FSIP1: variants seen among roughly 807,000 people sequenced by gnomAD.
FSIP1 encodes the protein fibrous sheath interacting protein 1.
In FSIP1, 65 loss-of-function variants were observed where a neutral mutation model predicts 60.9. That is an observed-to-expected ratio of 1.07 (90% confidence interval 0.87 to 1.31). The LOEUF (loss-of-function observed/expected upper bound fraction) is 1.31, where lower values mean the gene tolerates loss of function less well. Ranked by LOEUF, FSIP1 falls within the 40% of genes most tolerant of loss-of-function variation. The pLI, the probability that FSIP1 is intolerant of heterozygous loss-of-function variation, is 0.00. For missense variants in FSIP1, 675 were observed against 665.5 expected (o/e 1.01, Z -0.16); for synonymous variants, 209 against 221.2 (o/e 0.94, Z 0.49).
intron 10 of FSIP1, among the ~76,000 whole-genome samples, chr15:39,684,247 G>C (rs956166646): frequency 1.2e-4 from 19 of 152,152 alleles, no homozygotes; most frequent in Non-Finnish European, 7.3e-5. Context: ...AGACACATGT[G>C]TGTCTGAAAT....
intron 10 of FSIP1, among the ~76,000 whole-genome samples, chr15:39,625,166 G>GA (rs754958155): frequency 2.0e-5 from 3 of 152,192 alleles, no homozygotes; most frequent in Non-Finnish European, 4.4e-5. Flanking sequence ...TGCCTGGTGA[G>GA]AGGCTGCTGT....
intron 10 of FSIP1, among the ~76,000 whole-genome samples, chr15:39,623,212 T>C (rs938899682): frequency 2.6e-5 from 4 of 152,204 alleles, no homozygotes; most frequent in Admixed American, 2.6e-4. Context: ...TATCCGGAGT[T>C]TCTCCAGCCA....
At chr15:39,767,131 G>A (rs1897718417) in intron 3 of FSIP1, among the ~76,000 whole-genome samples, 1 of 152,100 alleles carries the variant, frequency 6.6e-6, no homozygotes, top group Admixed American at 6.5e-5. Context: ...TTACAGGTGT[G>A]AGCTACTGCT....
chr15:39,649,641 C>A (rs1008127043), intron 10 of FSIP1, among the ~76,000 whole-genome samples: 1 of 152,128 alleles, frequency 6.6e-6, no homozygotes, highest in East Asian at 1.9e-4. Flanking sequence ...TCTTTTCCAT[C>A]CCTGCCTGAC....
At chr15:39,749,962 A>G (rs2140667367) in intron 5 of FSIP1, among the ~76,000 whole-genome samples, 1 of 152,156 alleles carries the variant, frequency 6.6e-6, no homozygotes, top group African/African-American at 2.4e-5. Flanking sequence ...TAAATTCAGA[A>G]AAGTTGTAGA....
intron 10 of FSIP1, among the ~76,000 whole-genome samples, chr15:39,689,508 C>G (rs1457122546): frequency 6.6e-6 from 1 of 152,060 alleles, no homozygotes; most frequent in Non-Finnish European, 1.5e-5. Flanking sequence ...CCAGTCATCT[C>G]ATTAGCAAAC....
intron 10 of FSIP1, among the ~76,000 whole-genome samples, chr15:39,661,087 A>C (rs374118450): frequency 3.9e-5 from 6 of 152,322 alleles, no homozygotes; most frequent in South Asian, 2.1e-4. Context: ...ATAAATCAAT[A>C]AATAAATGCA....
chr15:39,608,853 T>C (rs1425630977), intron 11 of FSIP1, among the ~76,000 whole-genome samples: 1 of 152,160 alleles, frequency 6.6e-6, no homozygotes, highest in Non-Finnish European at 1.5e-5. Flanking sequence ...GACACCCCCT[T>C]GGACCACATA....
chr15:39,772,228 C>A (rs1171946998), intron 2 of FSIP1, among the ~76,000 whole-genome samples: 1 of 152,190 alleles, frequency 6.6e-6, no homozygotes, highest in Admixed American at 6.5e-5. Context: ...TGCTCTTCTG[C>A]TCTGTGGCCT....
chr15:39,646,957 A>G (rs1892641358), intron 10 of FSIP1, among the ~76,000 whole-genome samples: 1 of 152,242 alleles, frequency 6.6e-6, no homozygotes, highest in Non-Finnish European at 1.5e-5. Context: ...TAAGTGAAAT[A>G]AACCAGACAC....
intron 5 of FSIP1, among the ~76,000 whole-genome samples, chr15:39,744,752 C>CTG (rs10655046): frequency 0.39 from 54,223 of 138,708 alleles, 10,409 homozygotes; most frequent in Non-Finnish European, 0.42. Flanking sequence ...CTGTCTGTCT[C>CTG]TCTCTCTCTC....
intron 10 of FSIP1, among the ~76,000 whole-genome samples, chr15:39,692,012 AGTGAT>A (rs1199998473): frequency 2.0e-5 from 3 of 152,198 alleles, no homozygotes; most frequent in African/African-American, 7.2e-5. Context: ...AATGCCCGCA[AGTGAT>A]TCTCTTTAAG....
chr15:39,630,801 AG>A (rs1224695849), intron 10 of FSIP1, among the ~76,000 whole-genome samples: 1 of 152,040 alleles, frequency 6.6e-6, no homozygotes, highest in Non-Finnish European at 1.5e-5. Flanking sequence ...TCCTTTTTCG[AG>A]GGGGAGCACC....
At chr15:39,625,584 C>T (rs2412409) in intron 10 of FSIP1, among the ~76,000 whole-genome samples, 2 of 152,126 alleles carry the variant, frequency 1.3e-5, no homozygotes, top group East Asian at 3.9e-4. Context: ...GCAGTAGAGA[C>T]AGCAAGTCCA....
chr15:39,775,905 T>C (rs1431743001), intron 2 of FSIP1, among the ~76,000 whole-genome samples: 1 of 151,992 alleles, frequency 6.6e-6, no homozygotes, highest in Non-Finnish European at 1.5e-5. Context: ...ACTAATACAA[T>C]ATACCTACCC....
chr15:39,768,315 A>T (rs1449009850), intron 3 of FSIP1, among the ~76,000 whole-genome samples: 1 of 152,156 alleles, frequency 6.6e-6, no homozygotes, highest in African/African-American at 2.4e-5. Context: ...CAGCTCTCAA[A>T]CTTTTTCTCA....
At chr15:39,626,836 TAGACAA>T (rs1221129519) in intron 10 of FSIP1, among the ~76,000 whole-genome samples, 1 of 152,172 alleles carries the variant, frequency 6.6e-6, no homozygotes, top group Non-Finnish European at 1.5e-5. Context: ...TGAATACAGT[TAGACAA>T]GGCTTCAGGT....
chr15:39,696,712 T>A (rs1056631261), intron 10 of FSIP1, among the ~76,000 whole-genome samples: 1 of 152,100 alleles, frequency 6.6e-6, no homozygotes, highest in Non-Finnish European at 1.5e-5. Flanking sequence ...ATAGACACAC[T>A]CATATAGTAC....
chr15:39,689,979 T>C (rs1461643587), intron 10 of FSIP1, among the ~76,000 whole-genome samples: 1 of 152,232 alleles, frequency 6.6e-6, no homozygotes, highest in African/African-American at 2.4e-5. Flanking sequence ...GCTTTAATGT[T>C]GGGATTCAGA....
Sources: gnomAD v4.1 joint callset for allele counts (sites outside exome capture counted in the v4.1 genomes callset) on GRCh38, gnomAD v4.1.1 for gene constraint, MANE v1.5 for transcripts, NCBI Gene and HGNC (gene_info 2026-07-23, HGNC 2026-07-21) for gene names.